The following POU2F1 variants were observed in gnomAD, a reference collection of about 807,000 sequenced individuals.
POU2F1 encodes POU class 2 homeobox 1, also known as POU domain, class 2, transcription factor 1.
POU2F1 carries 16 observed loss-of-function variants against 84.9 expected under a neutral mutation model. That is an observed-to-expected ratio of 0.19 (90% CI 0.13 to 0.29). The LOEUF is 0.29. Ranked by LOEUF, POU2F1 falls within the 10% of genes least tolerant of loss-of-function variation. POU2F1 has a pLI of 1.00. For synonymous variants in POU2F1, 368 were observed against 368.3 expected (o/e 1.00, Z 0.01); for missense variants, 738 against 942.6 (o/e 0.78, Z 2.84).
intron 7 of POU2F1, among the ~76,000 whole-genome samples, chr1:167,378,883 G>A (rs1458759092): frequency 1.3e-5 from 2 of 151,868 alleles, no homozygotes; most frequent in East Asian, 3.9e-4. Flanking sequence ...CTCCCAAGGA[G>A]CTGGGATTAC....
chr1:167,374,562 A>T (rs541263422), intron 6 of POU2F1, among the ~76,000 whole-genome samples: 1 of 152,208 alleles, frequency 6.6e-6, no homozygotes, highest in Non-Finnish European at 1.5e-5. Flanking sequence ...ATTAGCTGGC[A>T]TATTTTTGAA....
rs59949520 is a variant in POU2F1 at position 167,300,807 on chromosome 1, G to T, written c.62-31663G>T. On this transcript the variant is annotated intron_variant, in intron 1 of 15. Transcript: ENST00000367866. ...TTTTTTGGAGACGGAGTCTACCTCTGTTGCCCAGGCTGGAGTGCAGTGGAG... is the reference window on the plus strand; with the variant it reads ...TTTTTTGGAGACGGAGTCTACCTCTTTTGCCCAGGCTGGAGTGCAGTGGAG... Among the ~76,000 whole-genome samples the T allele has an allele frequency of 5.2e-3, 793 of 151,946 alleles. 10 individuals carry two copies. Among genetic ancestry groups the T allele is most frequent in the African/African-American group, 0.018 (730 of 41,446 alleles).
In POU2F1 at chr1:167,412,341, G is replaced by A. The variant is rs769317557; in HGVS notation, c.1901+37G>A. 1.4e-5 allele frequency: 20 copies of A among 1,475,534 alleles called. No individual in the cohort carries two copies. In the South Asian group the frequency reaches 2.5e-4, roughly 19 times the overall value. 91.4% of individuals were successfully genotyped at this position (1,475,534 alleles called of 1,614,324 possible). ...TCTCATCTCATTCACGTCTGAGGTG[G>A]AGGTCATCCCTGGAATTACTCACAG... On this transcript the variant is annotated intron_variant, in intron 14 of 15. Coordinates refer to ENST00000367866, the MANE Select transcript of POU2F1 (RefSeq NM_002697.4).
At chr1:167,346,681 A>G (rs566483514) in intron 2 of POU2F1, among the ~76,000 whole-genome samples, 50 of 152,310 alleles carry the variant, frequency 3.3e-4, no homozygotes, top group South Asian at 3.1e-3. Context: ...GACAGGAGGC[A>G]GCGCTCAGGC....
At chr1:167,309,356 T>G (rs1294756904) in intron 1 of POU2F1, among the ~76,000 whole-genome samples, 1 of 152,214 alleles carries the variant, frequency 6.6e-6, no homozygotes, top group Non-Finnish European at 1.5e-5. Flanking sequence ...AATTTAGTAT[T>G]AGAGAGTTGA....
intron 4 of POU2F1, among the ~76,000 whole-genome samples, chr1:167,371,555 C>T (rs1220089958): frequency 6.6e-6 from 1 of 152,006 alleles, no homozygotes; most frequent in Non-Finnish European, 1.5e-5. Flanking sequence ...AGACTGACCA[C>T]CAGGTGTATG....
chr1:167,298,685 G>A (rs911303433), intron 1 of POU2F1, among the ~76,000 whole-genome samples: 1 of 151,774 alleles, frequency 6.6e-6, no homozygotes, highest in Non-Finnish European at 1.5e-5. Context: ...TAATACTGAC[G>A]GCATTTAGCA....
chr1:167,406,626 C>T (rs1241989112), intron 13 of POU2F1, among the ~76,000 whole-genome samples: 1 of 151,496 alleles, frequency 6.6e-6, no homozygotes, highest in Non-Finnish European at 1.5e-5. Context: ...AGGAATTCAC[C>T]AAAAAAAGGT....
rs1571468757 is a variant in POU2F1 at position 167,412,081 on chromosome 1, G to A, written c.1678G>A (p.Ala560Thr). The stretch of plus-strand genomic sequence containing the variant: ...TTCTGCCTCAGCCTCCACCTCCGAG[G>A]CATCCAGTGCCAGTGAGACCAGCAC... Reference protein sequence around the residue: ...SPSASASTSEASSASETSTTQ... With the variant: ...SPSASASTSETSSASETSTTQ... The change falls in exon 14 of 16, where the codon GCA becomes ACA. Residue 560 changes from alanine to threonine, a missense_variant. This residue lies in a region of POU2F1 where 319 missense variants were observed against 386.0 expected (regional missense o/e 0.83). Transcript: ENST00000367866. 1.2e-6 allele frequency: 2 copies of A among 1,614,118 alleles called. No homozygotes were observed. The highest frequency in any genetic ancestry group is 1.7e-6 in the Non-Finnish European group (2 of 1,180,018).
intron 1 of POU2F1, among the ~76,000 whole-genome samples, chr1:167,289,793 A>T (rs541392489): frequency 6.6e-6 from 1 of 152,148 alleles, no homozygotes; most frequent in African/African-American, 2.4e-5. Flanking sequence ...TTGGTCTGAG[A>T]TGTTCATTTA....
chr1:167,384,839 G>A (rs1647841565), intron 8 of POU2F1, among the ~76,000 whole-genome samples: 1 of 151,964 alleles, frequency 6.6e-6, no homozygotes, highest in South Asian at 2.1e-4. Context: ...TATACTCAAG[G>A]TGCCAGTAAT....
At chr1:167,251,280 T>G (rs1041770805) in intron 1 of POU2F1, among the ~76,000 whole-genome samples, 1 of 152,056 alleles carries the variant, frequency 6.6e-6, no homozygotes, top group African/African-American at 2.4e-5. Context: ...GCGCCTGTGG[T>G]CCCAGCTATT....
At chr1:167,221,280 C>T (rs1251628357) in intron 1 of POU2F1, among the ~76,000 whole-genome samples, 1 of 151,416 alleles carries the variant, frequency 6.6e-6, no homozygotes, top group Admixed American at 6.6e-5. Context: ...CCGCTGCCGC[C>T]TCCTCGCCGC....
rs193234379 is a variant in POU2F1, at chr1:167,322,228, C to T, written c.62-10242C>T. On this transcript the variant is annotated intron_variant, in intron 1 of 15. Coordinates refer to ENST00000367866, the MANE Select transcript of POU2F1 (RefSeq NM_002697.4). ...ATTTGTGCTTCCAAATCCTCCTGTT[C>T]GTGTAGTTTCACTTTTCCCCATCTC... 1.1e-3 allele frequency among the ~76,000 whole-genome samples: 168 copies of T among 152,252 alleles called. 2 individuals carry two copies. Among genetic ancestry groups the T allele is most frequent in the African/African-American group, 3.6e-3 (150 of 41,528 alleles).
intron 1 of POU2F1, among the ~76,000 whole-genome samples, chr1:167,304,109 C>T (rs757271333): frequency 6.6e-6 from 1 of 152,144 alleles, no homozygotes; most frequent in Non-Finnish European, 1.5e-5. Flanking sequence ...ACATCTGACT[C>T]CTAGTCTAGT....
chr1:167,345,500 A>G (rs1658131116), intron 2 of POU2F1, among the ~76,000 whole-genome samples: 1 of 152,214 alleles, frequency 6.6e-6, no homozygotes. Context: ...CAGGATTTGT[A>G]GCAAAGTGTC....
At chr1:167,324,287 T>G (rs1427705919) in intron 1 of POU2F1, among the ~76,000 whole-genome samples, 1 of 151,766 alleles carries the variant, frequency 6.6e-6, no homozygotes, top group African/African-American at 2.4e-5. Flanking sequence ...TAGGTTGAAG[T>G]CTAGAACACA....
chr1:167,329,604 A>G (rs1358118128), intron 1 of POU2F1, among the ~76,000 whole-genome samples: 1 of 152,168 alleles, frequency 6.6e-6, no homozygotes, highest in African/African-American at 2.4e-5. Context: ...AGAACATTTC[A>G]TGTAGTTATA....
At chr1:167,268,411 C>T (rs1652131657) in intron 1 of POU2F1, among the ~76,000 whole-genome samples, 1 of 152,032 alleles carries the variant, frequency 6.6e-6, no homozygotes, top group Admixed American at 6.5e-5. Flanking sequence ...GTCTGACTCC[C>T]CCTTTCTTTC....
Sources: gnomAD v4.1 joint callset for allele counts (sites outside exome capture counted in the v4.1 genomes callset) on GRCh38, gnomAD v4.1.1 for gene constraint, gnomAD v4.1.1 regional missense constraint, MANE v1.5 for transcripts, NCBI Gene and HGNC (gene_info 2026-07-23, HGNC 2026-07-21) for gene names.